Variants in PIAS2 observed in about 807,000 individuals in gnomAD.
The protein encoded by PIAS2 is protein inhibitor of activated STAT 2, also known as E3 SUMO-protein ligase PIAS2.
PIAS2 carries 19 observed loss-of-function variants against 69.7 expected under a neutral mutation model. That is an observed-to-expected ratio of 0.27 (90% CI 0.19 to 0.40). The LOEUF (loss-of-function observed/expected upper bound fraction) is 0.40, where lower values mean the gene tolerates loss of function less well. Ranked by LOEUF, PIAS2 falls within the 10% of genes least tolerant of loss-of-function variation. The pLI is 1.00. For missense variants in PIAS2, 624 were observed against 757.0 expected (o/e 0.82, Z 2.06); for synonymous variants, 261 against 263.2 (o/e 0.99, Z 0.08).
At position 46,829,804 on chromosome 18, in the gene PIAS2, A is replaced by G; in HGVS notation, c.1266T>C (p.Gly422=). Residue 422 remains glycine (G), a synonymous_variant, in exon 10 of 14, where the codon GGT becomes GGC. Coordinates refer to ENST00000585916, the MANE Select transcript of PIAS2 (RefSeq NM_004671.5). ...DVDEIKFQED[G]SWCPMRPKKE... is the part of the protein sequence containing the mutation. Reference sequence around the variant, plus strand: ...TCTTCGGTCTCATTGGACACCAAGAACCATCTTCTTGGAATTTGATCTCAT... The same window carrying G: ...TCTTCGGTCTCATTGGACACCAAGAGCCATCTTCTTGGAATTTGATCTCAT... The G allele has an allele frequency of 6.2e-7, 1 of 1,613,550 alleles. No homozygotes were observed.
intron 11 of PIAS2, among the ~76,000 whole-genome samples, chr18:46,822,637 T>G (rs2042302268): frequency 6.6e-6 from 1 of 151,612 alleles, no homozygotes; most frequent in Non-Finnish European, 1.5e-5. Context: ...TTTCTGGAGG[T>G]TTGAAAACAG....
intron 12 of PIAS2, chr18:46,817,109 C>G: frequency 1.1e-6 from 1 of 948,598 alleles, no homozygotes; most frequent in Non-Finnish European, 1.3e-6. Flanking sequence ...AACTTCTTAT[C>G]TTTTCAGTTT....
Position 46,890,795 on chromosome 18 carries a change from T to G in PIAS2, c.284A>C (p.Asp95Ala). The G allele has an allele frequency of 1.2e-6, 2 of 1,614,122 alleles. No homozygotes were observed. The highest frequency in any genetic ancestry group is 1.3e-5 in the African/African-American group (1 of 75,032). Residue 95 changes from aspartate (D) to alanine (A), a missense_variant, in exon 2 of 14, where the codon GAC (aspartate) becomes GCC (alanine). Physicochemically the swap from Asp to Ala is moderately radical, Grantham distance 126. Transcript: ENST00000585916. ...CGAGTGGATTCCAGCCACGGCCAAG[T>G]CAGGTTCTACAGGTGATGAGCCACC... is the stretch of plus-strand genomic sequence containing the variant. ...LDGGSSPVEP[D>A]LAVAGIHSLP... is the part of the protein sequence containing the mutation.
intron 8 of PIAS2, among the ~76,000 whole-genome samples, chr18:46,839,863 C>CAA (rs58855520): frequency 1.4e-3 from 100 of 70,712 alleles, no homozygotes; most frequent in Non-Finnish European, 2.6e-3. Context: ...AAAACTCTGT[C>CAA]AAAAAAAAAA....
At chr18:46,881,894 C>T (rs1008923269) in intron 2 of PIAS2, among the ~76,000 whole-genome samples, 3 of 152,184 alleles carry the variant, frequency 2.0e-5, no homozygotes, top group African/African-American at 4.8e-5. Context: ...GTCAAGAGTT[C>T]CAGACCAGCC....
intron 2 of PIAS2, among the ~76,000 whole-genome samples, chr18:46,865,291 G>C (rs546974991): frequency 1.3e-4 from 20 of 152,230 alleles, no homozygotes; most frequent in Middle Eastern, 3.4e-3. Context: ...TGTAATCCCA[G>C]CACTCTGGGA....
intron 1 of PIAS2, among the ~76,000 whole-genome samples, chr18:46,896,221 A>G (rs1598937458): frequency 1.3e-5 from 2 of 151,416 alleles, no homozygotes; most frequent in Non-Finnish European, 2.9e-5. Context: ...AGTCAGATCC[A>G]CAAAAGGGAA....
At chr18:46,897,877 G>GTT (rs544949333) in intron 1 of PIAS2, among the ~76,000 whole-genome samples, 1,879 of 145,450 alleles carry the variant, frequency 0.013, 34 homozygotes, top group African/African-American at 0.043. Flanking sequence ...TAATTTTTGG[G>GTT]TTTTTTTTTT....
chr18:46,823,655 G>A (rs1406596221), intron 11 of PIAS2, among the ~76,000 whole-genome samples: 2 of 152,152 alleles, frequency 1.3e-5, no homozygotes, highest in Non-Finnish European at 2.9e-5. Flanking sequence ...AAAATCCAAT[G>A]GCGGTACAAA....
At chr18:46,873,293 T>C (rs1402100559) in intron 2 of PIAS2, among the ~76,000 whole-genome samples, 1 of 152,206 alleles carries the variant, frequency 6.6e-6, no homozygotes, top group Non-Finnish European at 1.5e-5. Flanking sequence ...ACCCAGCAGG[T>C]TTCCTGACAG....
intron 10 of PIAS2, among the ~76,000 whole-genome samples, chr18:46,829,318 T>G (rs1416357140): frequency 1.3e-5 from 2 of 152,150 alleles, no homozygotes; most frequent in African/African-American, 4.8e-5. Context: ...TCTGAGCAAC[T>G]AACCTGTGAC....
intron 1 of PIAS2, among the ~76,000 whole-genome samples, chr18:46,895,340 A>G (rs1429679742): frequency 6.6e-6 from 1 of 152,150 alleles, no homozygotes; most frequent in Non-Finnish European, 1.5e-5. Context: ...GACAAACTGC[A>G]TTATTAATAT....
chr18:46,865,289 C>T (rs1433801091), intron 2 of PIAS2, among the ~76,000 whole-genome samples: 1 of 152,122 alleles, frequency 6.6e-6, no homozygotes, highest in Non-Finnish European at 1.5e-5. Context: ...CGTGTAATCC[C>T]AGCACTCTGG....
At chr18:46,918,822 CT>C (rs1300267574), upstream of PIAS2, among the ~76,000 whole-genome samples, 1 of 152,122 alleles carries the variant, frequency 6.6e-6, no homozygotes. Flanking sequence ...TCAGGTTTCA[CT>C]TTAAGTGTCA....
intron 11 of PIAS2, among the ~76,000 whole-genome samples, chr18:46,821,554 C>T (rs933657456): frequency 1.3e-5 from 2 of 152,082 alleles, no homozygotes; most frequent in Admixed American, 1.3e-4. Context: ...TAATTATTTG[C>T]AATCTTTCCT....
At chr18:46,816,028 C>T in intron 12 of PIAS2, 2 of 983,414 alleles carry the variant, frequency 2.0e-6, no homozygotes, top group Non-Finnish European at 2.4e-6. Context: ...CAAGTAATAA[C>T]AATAAATAAA....
chr18:46,850,514 T>C (rs2046806694), intron 5 of PIAS2, among the ~76,000 whole-genome samples: 1 of 152,176 alleles, frequency 6.6e-6, no homozygotes, highest in Admixed American at 6.5e-5. Context: ...CTCCCATATA[T>C]TTTTAAAGCC....
At chr18:46,835,387 T>C (rs2044282184) in intron 9 of PIAS2, among the ~76,000 whole-genome samples, 1 of 152,192 alleles carries the variant, frequency 6.6e-6, no homozygotes, top group South Asian at 2.1e-4. Flanking sequence ...AAAGGAAAGT[T>C]CAGAAAGGAA....
rs1041313549 is a variant in PIAS2 at position 46,857,463 on chromosome 18, A to G, written c.585-1848T>C. Among the ~76,000 whole-genome samples the G allele has an allele frequency of 2.6e-5, 4 of 152,234 alleles. No homozygotes were observed. In the East Asian group the frequency reaches 7.7e-4, roughly 29 times the overall value. Reference sequence around the variant, plus strand: ...AATTAGTCCAATCTAACTAGAAAACAGGGTTTTTACAGCAGTGGTTCTGCC... The same window carrying G: ...AATTAGTCCAATCTAACTAGAAAACGGGGTTTTTACAGCAGTGGTTCTGCC... On this transcript the variant is annotated intron_variant, in intron 3 of 13. Transcript: ENST00000585916.
Sources: allele counts gnomAD v4.1 joint callset (sites outside exome capture counted in the v4.1 genomes callset), GRCh38; gene constraint gnomAD v4.1.1; transcripts MANE v1.5; gene names NCBI Gene and HGNC (gene_info 2026-07-23, HGNC 2026-07-21).